Variants in FIP1L1 observed in about 807,000 individuals in gnomAD.
FIP1L1 encodes factor interacting with PAPOLA and CPSF1.
In FIP1L1, 21 loss-of-function variants were observed where a neutral mutation model predicts 84.6. That is an observed-to-expected ratio of 0.25 (90% CI 0.18 to 0.36). The LOEUF (loss-of-function observed/expected upper bound fraction) is 0.36. FIP1L1 is among the 10% of genes least tolerant of loss of function. The pLI, the probability that FIP1L1 is intolerant of heterozygous loss-of-function variation, is 1.00. For synonymous variants in FIP1L1, 263 were observed against 242.3 expected, an observed-to-expected ratio of 1.09 and a Z score of -0.80; for missense variants, 526 against 751.1, an observed-to-expected ratio of 0.70 and a Z score of 3.50.
At chr4:53,398,075 A>G (rs1422528589) in intron 9 of FIP1L1, among the ~76,000 whole-genome samples, 4 of 151,982 alleles carry the variant, frequency 2.6e-5, no homozygotes, top group Non-Finnish European at 5.9e-5. Flanking sequence ...TTTTCATAAT[A>G]TTTATTATAT....
rs1423971349 is a variant in FIP1L1, at chr4:53,453,014, C to A, written c.1380C>A (p.Asp460Glu). 1.9e-6 allele frequency: 3 copies of A among 1,613,300 alleles called. No homozygotes were observed. In the East Asian group the frequency reaches 6.7e-5, roughly 36 times the overall value. The change falls in exon 16 of 18, where the codon GAC becomes GAA. Residue 460 changes from aspartate (D) to glutamate (E), a missense_variant. By Grantham distance (45) the Asp-to-Glu change is conservative (BLOSUM62 2). Around this residue, in one of 6 missense-constraint regions of FIP1L1, gnomAD observed 83 missense variants for 93.8 expected, o/e 0.88. Coordinates refer to ENST00000337488, the MANE Select transcript of FIP1L1 (RefSeq NM_030917.4). ...ACTATTATGCCAGAAGAGAGAAAGA[C>A]CGAGATAGAGAGAGAGACAGAGACA... ...QWDYYARREK[D>E]RDRERDRDRE...
Position 53,443,062 on chromosome 4 carries a change from A to G in FIP1L1, c.1229+355A>G, listed in dbSNP as rs148536959. ...ATAATACATGTCTGTTTTGGGATAA[A>G]GTAGGGAAAACTATTATGGGACCAT... On this transcript the variant is annotated intron_variant, in intron 14 of 17. Coordinates refer to ENST00000337488, the MANE Select transcript of FIP1L1 (RefSeq NM_030917.4). Among the ~76,000 whole-genome samples the G allele has an allele frequency of 2.2e-4, 34 of 152,214 alleles. No homozygotes were observed. The East Asian group carries it at 5.6e-3, about 25-fold the overall frequency.
chr4:53,433,486 A>G (rs1767642485), intron 13 of FIP1L1, among the ~76,000 whole-genome samples: 1 of 147,772 alleles, frequency 6.8e-6, no homozygotes, highest in African/African-American at 2.5e-5. Context: ...TTAAATGTTA[A>G]TTTACTTCAG....
At chr4:53,432,434 CAA>C (rs1339766241) in intron 13 of FIP1L1, among the ~76,000 whole-genome samples, 1 of 122,242 alleles carries the variant, frequency 8.2e-6, no homozygotes, top group Non-Finnish European at 1.7e-5. Context: ...AGAAAGAAAA[CAA>C]ATACTGGCTA....
At chr4:53,452,618 C>T (rs1716780005) in intron 15 of FIP1L1, among the ~76,000 whole-genome samples, 1 of 152,212 alleles carries the variant, frequency 6.6e-6, no homozygotes, top group African/African-American at 2.4e-5. Flanking sequence ...CGCGCCTGGC[C>T]TCCTCTCAAC....
chr4:53,459,527 A>C lies in FIP1L1; in HGVS notation c.*78A>C, dbSNP rs1721363226. 1 of 1,586,640 alleles carries C rather than the reference A, an allele frequency of 6.3e-7. No homozygotes were observed. Among genetic ancestry groups the C allele is most frequent in the East Asian group, 2.2e-5 (1 of 44,746 alleles). ...CTTGTTATTTTTCTGGATAATGTTTAAGAAATTTACCTTAAATCTTGTTCT... is the reference window on the plus strand; with the variant it reads ...CTTGTTATTTTTCTGGATAATGTTTCAGAAATTTACCTTAAATCTTGTTCT... On this transcript the variant is annotated 3_prime_UTR_variant, in exon 18 of 18. Transcript: ENST00000337488.
chr4:53,409,796 G>T (rs548740203), intron 10 of FIP1L1, among the ~76,000 whole-genome samples: 1 of 152,252 alleles, frequency 6.6e-6, no homozygotes, highest in Non-Finnish European at 1.5e-5. Flanking sequence ...CTCCGACCCA[G>T]GTGCAGGATA....
chr4:53,412,319 G>T (rs1757604568), intron 10 of FIP1L1, among the ~76,000 whole-genome samples: 1 of 152,056 alleles, frequency 6.6e-6, no homozygotes, highest in South Asian at 2.1e-4. Context: ...ATCTAATAGT[G>T]AATCAGTACT....
chr4:53,456,668 T>C (rs1326513913), intron 16 of FIP1L1, among the ~76,000 whole-genome samples: 1 of 152,178 alleles, frequency 6.6e-6, no homozygotes, highest in African/African-American at 2.4e-5. Flanking sequence ...GAAAGAAGGC[T>C]GGTCATTCTA....
At chr4:53,438,062 G>A (rs1412481911) in intron 13 of FIP1L1, among the ~76,000 whole-genome samples, 3 of 152,060 alleles carry the variant, frequency 2.0e-5, no homozygotes, top group Non-Finnish European at 4.4e-5. Flanking sequence ...TGTTCAGTCT[G>A]TTAGAGCTTG....
intron 9 of FIP1L1, among the ~76,000 whole-genome samples, chr4:53,395,220 C>T (rs947851762): frequency 1.3e-5 from 2 of 151,998 alleles, no homozygotes; most frequent in African/African-American, 4.8e-5. Flanking sequence ...AGAAAGGTTG[C>T]TAGAATAGTG....
intron 5 of FIP1L1, among the ~76,000 whole-genome samples, chr4:53,387,152 T>C (rs146934328): frequency 2.7e-4 from 41 of 152,308 alleles, no homozygotes; most frequent in African/African-American, 9.6e-4. Flanking sequence ...GGGAAAATAG[T>C]ACATTTGAGT....
In FIP1L1 at chr4:53,459,382, A is replaced by G. The variant is rs752684221; in HGVS notation, c.1718A>G (p.Glu573Gly). ...HKHKKSKRSK[E>G]GKEAGSEPAP... The stretch of plus-strand genomic sequence containing the variant: ...CACAAAAAATCTAAAAGAAGCAAAG[A>G]AGGAAAAGAAGCGGGCAGTGAGCCT... The change falls in exon 18 of 18, where the codon GAA becomes GGA. Residue 573 changes from glutamate to glycine, a missense_variant. By Grantham distance (98) the Glu-to-Gly change is moderately conservative. Coordinates refer to ENST00000337488, the MANE Select transcript of FIP1L1 (RefSeq NM_030917.4). 2 of 1,613,282 alleles carry G rather than the reference A, an allele frequency of 1.2e-6. No homozygotes were observed. Among genetic ancestry groups the G allele is most frequent in the Non-Finnish European group, 1.7e-6 (2 of 1,179,650 alleles).
intron 13 of FIP1L1, among the ~76,000 whole-genome samples, chr4:53,432,839 G>A (rs183685603): frequency 3.3e-5 from 5 of 151,994 alleles, no homozygotes; most frequent in Admixed American, 2.0e-4. Flanking sequence ...CCAGAAAATC[G>A]TATTATTGGA....
intron 13 of FIP1L1, among the ~76,000 whole-genome samples, chr4:53,437,171 G>A (rs1350708485): frequency 6.6e-6 from 1 of 151,488 alleles, no homozygotes; most frequent in Non-Finnish European, 1.5e-5. Flanking sequence ...CACAAAAAAT[G>A]CAAAAAATTA....
chr4:53,432,006 G>T (rs1766902494), intron 13 of FIP1L1, among the ~76,000 whole-genome samples: 1 of 152,116 alleles, frequency 6.6e-6, no homozygotes, highest in Non-Finnish European at 1.5e-5. Flanking sequence ...GAGTAGAGGA[G>T]ATTTATGTAT....
chr4:53,449,664 T>C (rs990052806), intron 15 of FIP1L1, among the ~76,000 whole-genome samples: 8 of 152,132 alleles, frequency 5.3e-5, no homozygotes, highest in Admixed American at 1.3e-4. Flanking sequence ...TCTTTTTTTT[T>C]CCCTATTTGC....
chr4:53,406,185 T>A (rs1434593326), intron 10 of FIP1L1, among the ~76,000 whole-genome samples: 3 of 151,872 alleles, frequency 2.0e-5, no homozygotes, highest in Admixed American at 6.6e-5. Context: ...TACGTCCTAT[T>A]TACATACCTA....
chr4:53,458,402 A>C (rs1220112229), intron 16 of FIP1L1: 2 of 279,000 alleles, frequency 7.2e-6, no homozygotes, highest in African/African-American at 4.4e-5. Context: ...AACAGCTATG[A>C]AAGCACAGAA....
Sources: gnomAD v4.1 joint callset for allele counts (sites outside exome capture counted in the v4.1 genomes callset) on GRCh38, gnomAD v4.1.1 for gene constraint, gnomAD v4.1.1 regional missense constraint, MANE v1.5 for transcripts, NCBI Gene and HGNC (gene_info 2026-07-23, HGNC 2026-07-21) for gene names.